The following CLDN10 variants were observed in gnomAD, a reference collection of about 807,000 sequenced individuals.
The protein encoded by CLDN10 is claudin-10.
In CLDN10, 15 loss-of-function variants were observed where a neutral mutation model predicts 22.9. That is an observed-to-expected ratio of 0.65 (90% CI 0.44 to 1.01). The LOEUF (loss-of-function observed/expected upper bound fraction) is 1.01, where lower values mean the gene tolerates loss of function less well. Ranked by LOEUF, CLDN10 falls within the 50% of genes least tolerant of loss-of-function variation. The probability of loss-of-function intolerance (pLI) is 0.00; values close to 1 mark genes in which losing one functional copy is unlikely to be tolerated. For missense variants in CLDN10, 247 were observed against 287.8 expected, an observed-to-expected ratio of 0.86 and a Z score of 1.03; for synonymous variants, 114 against 111.4, an observed-to-expected ratio of 1.02 and a Z score of -0.15.
At chr13:95,448,366 C>A (rs1216291452) in intron 1 of CLDN10, among the ~76,000 whole-genome samples, 1 of 152,214 alleles carries the variant, frequency 6.6e-6, no homozygotes, top group African/African-American at 2.4e-5. Context: ...GCACCCCACA[C>A]ACATATACAC....
intron 1 of CLDN10, among the ~76,000 whole-genome samples, chr13:95,555,627 T>G (rs895607529): frequency 6.6e-6 from 1 of 152,176 alleles, no homozygotes; most frequent in Admixed American, 6.5e-5. Flanking sequence ...TATCAGCCTG[T>G]TTTTTTGATG....
In CLDN10 at chr13:95,500,818, T is replaced by C. The variant is rs539035915; in HGVS notation, c.215-59314T>C. Among the ~76,000 whole-genome samples, 15 of 152,154 alleles carry C rather than the reference T, an allele frequency of 9.9e-5. No individual in the cohort carries two copies. The South Asian group carries it at 2.9e-3, about 30-fold the overall frequency. The stretch of plus-strand genomic sequence containing the variant: ...CATTAAAAGTTTTTAATTAGAGAAG[T>C]GACCTCATTTTCGTTTTAAAAATAA... On this transcript the variant is annotated intron_variant, in intron 1 of 4. Coordinates refer to the CLDN10 transcript ENST00000376873.
intron 1 of CLDN10, among the ~76,000 whole-genome samples, chr13:95,523,599 T>C (rs1446645290): frequency 6.6e-6 from 1 of 152,178 alleles, no homozygotes; most frequent in East Asian, 1.9e-4. Context: ...AAATATTTTT[T>C]CATTTTATAT....
intron 3 of CLDN10, among the ~76,000 whole-genome samples, chr13:95,561,759 T>G (rs2043715430): frequency 6.7e-6 from 1 of 149,630 alleles, no homozygotes; most frequent in Admixed American, 6.9e-5. Flanking sequence ...GAGGTTTCTT[T>G]CGTCCTTTTT....
upstream of CLDN10, chr13:95,552,689 T>G (rs908220489): frequency 6.7e-7 from 1 of 1,496,482 alleles, no homozygotes; most frequent in Non-Finnish European, 8.9e-7. Flanking sequence ...AGCCCCGGGG[T>G]TGGGAGTGCG....
intron 1 of CLDN10, among the ~76,000 whole-genome samples, chr13:95,480,775 T>A (rs1250712224): frequency 6.6e-6 from 1 of 152,194 alleles, no homozygotes; most frequent in Non-Finnish European, 1.5e-5. Flanking sequence ...TTGAGAAATA[T>A]TCAATAGACA....
chr13:95,481,202 C>T (rs1245616843), intron 1 of CLDN10, among the ~76,000 whole-genome samples: 2 of 152,126 alleles, frequency 1.3e-5, no homozygotes, highest in Non-Finnish European at 2.9e-5. Context: ...TCCAGGAGGA[C>T]GCATGCCCTT....
At position 95,520,325 on chromosome 13, in the gene CLDN10, T is replaced by A. The variant is rs781374141; in HGVS notation, c.215-39807T>A. Among the ~76,000 whole-genome samples the A allele has an allele frequency of 1.4e-3, 206 of 152,334 alleles. No individual in the cohort carries two copies. In the Middle Eastern group the frequency reaches 0.02, roughly 15 times the overall value. ...AGAGATCTCAAATATTTATTTTAAATTTTATTTCTAGTTATTCACTATTTT... is the reference window on the plus strand; with the variant it reads ...AGAGATCTCAAATATTTATTTTAAAATTTATTTCTAGTTATTCACTATTTT... On this transcript the variant is annotated intron_variant, in intron 1 of 4. Transcript: ENST00000376873.
At chr13:95,436,212 C>A (rs1413460421) in intron 1 of CLDN10, among the ~76,000 whole-genome samples, 1 of 152,114 alleles carries the variant, frequency 6.6e-6, no homozygotes, top group Non-Finnish European at 1.5e-5. Flanking sequence ...GAGACAGAAC[C>A]TTGCTTTGTT....
At chr13:95,546,891 T>C (rs989644638) in intron 1 of CLDN10, among the ~76,000 whole-genome samples, 8 of 152,166 alleles carry the variant, frequency 5.3e-5, no homozygotes, top group Non-Finnish European at 1.2e-4. Context: ...TTCTTGCCCC[T>C]TGCTTTTCTC....
chr13:95,471,457 T>A lies in CLDN10; in HGVS notation c.214+37410T>A, dbSNP rs35824989. Among the ~76,000 whole-genome samples the A allele has an allele frequency of 9.9e-3, 1,035 of 104,990 alleles. 10 individuals are homozygous for A. Among genetic ancestry groups the A allele is most frequent in the South Asian group, 0.03 (113 of 3,806 alleles). 68.9% of individuals were successfully genotyped at this position (104,990 alleles called of 152,430 possible). On this transcript the variant is annotated intron_variant, in intron 1 of 4. Coordinates refer to the CLDN10 transcript ENST00000376873. ...CACACACACATATATATATATATTTTTTTTTTTTTTTTTGAGATGGAGTCT... is the reference window on the plus strand; with the variant it reads ...CACACACACATATATATATATATTTATTTTTTTTTTTTTGAGATGGAGTCT...
At chr13:95,499,226 T>G (rs1336024018) in intron 1 of CLDN10, among the ~76,000 whole-genome samples, 4 of 152,162 alleles carry the variant, frequency 2.6e-5, no homozygotes, top group Admixed American at 6.5e-5. Context: ...AAGCACCCTT[T>G]TCTGATTAGC....
At chr13:95,562,669 G>A (rs2043730889) in intron 3 of CLDN10, among the ~76,000 whole-genome samples, 1 of 151,976 alleles carries the variant, frequency 6.6e-6, no homozygotes, top group African/African-American at 2.4e-5. Flanking sequence ...TTATTTTAGG[G>A]TTTGATATCA....
At chr13:95,452,670 T>C (rs1490864559) in intron 1 of CLDN10, among the ~76,000 whole-genome samples, 1 of 152,220 alleles carries the variant, frequency 6.6e-6, no homozygotes, top group Non-Finnish European at 1.5e-5. Context: ...TAAAGTACCA[T>C]TCACTGAGAG....
intron 1 of CLDN10, among the ~76,000 whole-genome samples, chr13:95,536,213 CATCTAAGCAGAAAG>C (rs1424886721): frequency 6.7e-6 from 1 of 150,350 alleles, no homozygotes; most frequent in East Asian, 2.0e-4. Flanking sequence ...ATATCTGCTT[CATCTAAGCAGAAAG>C]ATCACCTGAG....
chr13:95,546,433 A>G (rs1172262276), intron 1 of CLDN10, among the ~76,000 whole-genome samples: 3 of 152,174 alleles, frequency 2.0e-5, no homozygotes, highest in Non-Finnish European at 2.9e-5. Context: ...AATAGTATCT[A>G]TTGCATGGAA....
At chr13:95,543,753 T>C (rs1196670528) in intron 1 of CLDN10, among the ~76,000 whole-genome samples, 1 of 152,116 alleles carries the variant, frequency 6.6e-6, no homozygotes, top group African/African-American at 2.4e-5. Context: ...TCTATTCCTT[T>C]CATATTAATA....
intron 1 of CLDN10, among the ~76,000 whole-genome samples, chr13:95,529,553 C>T (rs1439637561): frequency 1.3e-5 from 2 of 152,076 alleles, no homozygotes; most frequent in African/African-American, 4.8e-5. Flanking sequence ...TGCCTCTAGG[C>T]TGGAATAATT....
chr13:95,523,244 T>C (rs2043240907), intron 1 of CLDN10, among the ~76,000 whole-genome samples: 2 of 152,146 alleles, frequency 1.3e-5, no homozygotes, highest in African/African-American at 4.8e-5. Flanking sequence ...ACAACTGACT[T>C]ATTGATTCTA....
Sources: gnomAD v4.1 joint callset for allele counts (sites outside exome capture counted in the v4.1 genomes callset) on GRCh38, gnomAD v4.1.1 for gene constraint, MANE v1.5 for transcripts, NCBI Gene and HGNC (gene_info 2026-07-23, HGNC 2026-07-21) for gene names.